HACE1: variants seen among roughly 807,000 people sequenced by gnomAD.
HACE1 encodes the protein E3 ubiquitin-protein ligase HACE1.
Under a neutral mutation model 118.4 loss-of-function variants are expected in HACE1, and 73 were observed. The observed-to-expected ratio is 0.62, with a 90% confidence interval of 0.51 to 0.75. The LOEUF (loss-of-function observed/expected upper bound fraction) is 0.75. Among genes scored for constraint, HACE1 ranks in the 30% least tolerant of loss-of-function variants. HACE1 has a pLI of 0.00. For synonymous variants in HACE1, 368 were observed against 374.8 expected (o/e 0.98, Z 0.21); for missense variants, 749 against 1,102.2 (o/e 0.68, Z 4.54).
At position 104,771,190 on chromosome 6, in the gene HACE1, C is replaced by T. The variant is rs1422364900; in HGVS notation, c.2211+3G>A. 2 of 1,600,244 alleles carry T rather than the reference C, an allele frequency of 1.2e-6. No individual in the cohort carries two copies. Among genetic ancestry groups the T allele is most frequent in the Non-Finnish European group, 8.6e-7 (1 of 1,167,408 alleles). On this transcript the variant is annotated splice_donor_region_variant and intron_variant, in intron 19 of 23. Transcript: ENST00000262903. Reference sequence around the variant, plus strand: ...TGGTTAAGGTAAAAACTGAAATACTCACTTTATTATTTTGTGTCACAAGAA... The same window carrying T: ...TGGTTAAGGTAAAAACTGAAATACTTACTTTATTATTTTGTGTCACAAGAA...
intron 2 of HACE1, 86 bp downstream of exon 2, chr6:104,852,231 G>A (rs899728342): frequency 1.4e-5 from 10 of 737,484 alleles, no homozygotes; most frequent in African/African-American, 8.9e-5. Context: ...GTGTGTGTGC[G>A]CGCGTGCGCG....
At chr6:104,858,376 TA>T (rs1208834220) in intron 1 of HACE1, 2 of 233,872 alleles carry the variant, frequency 8.6e-6, no homozygotes, top group East Asian at 3.5e-4. Context: ...ATCTGAATTC[TA>T]AATAGAGACT....
intron 22 of HACE1, among the ~76,000 whole-genome samples, chr6:104,737,743 G>A (rs1163488478): frequency 6.6e-6 from 1 of 152,198 alleles, no homozygotes; most frequent in Non-Finnish European, 1.5e-5. Context: ...CAGCAGCGAG[G>A]CTGGGGGAGG....
At chr6:104,825,814 G>C (rs1261293214) in intron 6 of HACE1, among the ~76,000 whole-genome samples, 1 of 152,138 alleles carries the variant, frequency 6.6e-6, no homozygotes, top group East Asian at 1.9e-4. Context: ...TTCATTACTT[G>C]TTTGTGTATT....
chr6:104,810,237 G>T (rs1771453920), intron 7 of HACE1, among the ~76,000 whole-genome samples: 1 of 151,988 alleles, frequency 6.6e-6, no homozygotes, highest in South Asian at 2.1e-4. Context: ...AAAATGGCTG[G>T]AATCAGAAAG....
chr6:104,797,067 AAGT>A, intron 7 of HACE1, 42 bp from the exon 8 acceptor site: 1 of 1,088,616 alleles, frequency 9.2e-7, no homozygotes, highest in Non-Finnish European at 1.4e-6. Context: ...AATCTTTTTA[AAGT>A]CTTTCTCTAT....
intron 19 of HACE1, among the ~76,000 whole-genome samples, chr6:104,757,822 C>G (rs1226581213): frequency 6.6e-6 from 1 of 152,146 alleles, no homozygotes; most frequent in Non-Finnish European, 1.5e-5. Context: ...GAATGGCTAA[C>G]TAGAATAACC....
At chr6:104,838,372 G>C (rs927403560) in intron 5 of HACE1, among the ~76,000 whole-genome samples, 2 of 152,020 alleles carry the variant, frequency 1.3e-5, no homozygotes, top group Admixed American at 1.3e-4. Flanking sequence ...ACAGACCAAT[G>C]GGACAGAACA....
intron 19 of HACE1, among the ~76,000 whole-genome samples, chr6:104,760,322 C>T (rs532351262): frequency 6.6e-6 from 1 of 152,138 alleles, no homozygotes; most frequent in African/African-American, 2.4e-5. Context: ...AAACCAAATC[C>T]AGCAGCACAT....
rs991458992 is a variant in HACE1, at chr6:104,852,306, C to G, written c.131+11G>C. On this transcript the variant is annotated intron_variant, in intron 2 of 23. Coordinates refer to ENST00000262903, the MANE Select transcript of HACE1 (RefSeq NM_020771.4). Reference sequence around the variant, plus strand: ...TCTTAAAAAGCAAAAATTTTTGGAACAAGCACTCACCTGTGTTGATCAGCC... The same window carrying G: ...TCTTAAAAAGCAAAAATTTTTGGAAGAAGCACTCACCTGTGTTGATCAGCC... The G allele has an allele frequency of 1.2e-6, 2 of 1,603,686 alleles. No homozygotes were observed. The highest frequency in any genetic ancestry group is 1.7e-6 in the Non-Finnish European group (2 of 1,171,080).
At chr6:104,858,494 G>A (rs1411964705) in intron 1 of HACE1, 1 of 398,388 alleles carries the variant, frequency 2.5e-6, no homozygotes, top group South Asian at 1.8e-5. Context: ...GAGCCCAGGA[G>A]TTCAAGACCA....
rs996365152 is a variant in HACE1 at position 104,853,154 on chromosome 6, G to T, written c.77-783C>A. Among the ~76,000 whole-genome samples the T allele has an allele frequency of 2.0e-5, 3 of 152,294 alleles. No individual in the cohort carries two copies. The South Asian group carries it at 6.2e-4, about 32-fold the overall frequency. ...CCAGGAGTGGGTTAGTTATAATGAAGTTCAGCACCCTTCCTCTCTCACCGT... is the reference window on the plus strand; with the variant it reads ...CCAGGAGTGGGTTAGTTATAATGAATTTCAGCACCCTTCCTCTCTCACCGT... On this transcript the variant is annotated intron_variant, in intron 1 of 23. Transcript: ENST00000262903.
intron 4 of HACE1, among the ~76,000 whole-genome samples, chr6:104,843,878 T>G (rs1775353342): frequency 6.6e-6 from 1 of 152,086 alleles, no homozygotes. Context: ...TAACTTTTTT[T>G]TTTTTTTGAG....
chr6:104,733,014 A>G (rs1358976677), intron 22 of HACE1, among the ~76,000 whole-genome samples: 2 of 152,218 alleles, frequency 1.3e-5, no homozygotes, highest in Non-Finnish European at 2.9e-5. Flanking sequence ...TCTCCTTGTA[A>G]GTTGAAATAA....
intron 5 of HACE1, among the ~76,000 whole-genome samples, chr6:104,840,647 G>A (rs549355945): frequency 5.3e-4 from 80 of 151,624 alleles, no homozygotes; most frequent in Non-Finnish European, 1.1e-3. Context: ...TAGCTAACCT[G>A]GTAAAACCCC....
intron 1 of HACE1, among the ~76,000 whole-genome samples, chr6:104,857,388 C>T (rs1431514483): frequency 6.6e-6 from 1 of 151,580 alleles, no homozygotes; most frequent in Non-Finnish European, 1.5e-5. Flanking sequence ...TTTACTTTTA[C>T]TAATAATACT....
chr6:104,783,047 A>G (rs2114783811), intron 14 of HACE1, among the ~76,000 whole-genome samples: 1 of 152,302 alleles, frequency 6.6e-6, no homozygotes, highest in Non-Finnish European at 1.5e-5. Context: ...GATGACCTCA[A>G]TCTACCTTTC....
At chr6:104,829,349 CA>C (rs1332373508) in intron 6 of HACE1, among the ~76,000 whole-genome samples, 1 of 152,006 alleles carries the variant, frequency 6.6e-6, no homozygotes, top group Non-Finnish European at 1.5e-5. Flanking sequence ...CAAGATAAAA[CA>C]ATACACTTAT....
In HACE1 at chr6:104,785,287, T is replaced by C; in HGVS notation, c.1107A>G (p.Glu369=). ...ATTCTGTGGCTATTAAAACTAGCCATTCATCTAACGAGTGCCAAAGCAATT... is the reference window on the plus strand; with the variant it reads ...ATTCTGTGGCTATTAAAACTAGCCACTCATCTAACGAGTGCCAAAGCAATT... The part of the protein sequence containing the change: ...PLELLWHSLD[E]WLVLIATELM... The change falls in exon 12 of 24, where the codon GAA becomes GAG. Residue 369 remains glutamate, a synonymous_variant. Coordinates refer to ENST00000262903, the MANE Select transcript of HACE1 (RefSeq NM_020771.4). 6.2e-7 allele frequency: 1 copy of C among 1,609,190 alleles called. No homozygotes were observed. The highest frequency in any genetic ancestry group is 2.2e-5 in the East Asian group (1 of 44,842).
Sources: allele counts gnomAD v4.1 joint callset (sites outside exome capture counted in the v4.1 genomes callset), GRCh38; gene constraint gnomAD v4.1.1; transcripts MANE v1.5; gene names NCBI Gene and HGNC (gene_info 2026-07-23, HGNC 2026-07-21).